Variants in TRIM75 observed in about 807,000 individuals in gnomAD.
The protein encoded by TRIM75 is tripartite motif containing 75.
the TRIM75 span, among the ~76,000 whole-genome samples, chr4:165,057,542 G>A: frequency 5.9e-5 from 9 of 151,920 alleles, no homozygotes; most frequent in African/African-American, 2.2e-4. Context: ...TTTGTTTTTT[G>A]TTTGTGTGCT....
At chr4:165,059,670 A>G in the TRIM75 span, 1 of 780,956 alleles carries the variant, frequency 1.3e-6, no homozygotes, top group Non-Finnish European at 2.4e-6. Context: ...ACTGAGAGAG[A>G]TGGTGGAAAA....
At chr4:165,059,456 CCT>C in the TRIM75 span, 28 of 780,898 alleles carry the variant, frequency 3.6e-5, 1 homozygote, top group South Asian at 3.6e-4. Flanking sequence ...ACAACCAGCC[CCT>C]GAGCGTTTTC....
At chr4:165,054,404 A>G in the TRIM75 span, among the ~76,000 whole-genome samples, 1 of 151,486 alleles carries the variant, frequency 6.6e-6, no homozygotes, top group Non-Finnish European at 1.5e-5. Context: ...AGTAGCTGGG[A>G]CTACAGGCAT....
the TRIM75 span, among the ~76,000 whole-genome samples, chr4:165,056,948 G>T: frequency 6.6e-6 from 1 of 152,186 alleles, no homozygotes; most frequent in Admixed American, 6.5e-5. Flanking sequence ...AATTCTGAAT[G>T]TGATGGCCCC....
chr4:165,059,990 A>G, the TRIM75 span: 71,217 of 778,038 alleles, frequency 0.092, 4,634 homozygotes, highest in African/African-American at 0.26. Flanking sequence ...TTCCTCCCCA[A>G]TATTCTGCTC....
the TRIM75 span, chr4:165,059,138 C>G: frequency 1.3e-6 from 1 of 764,168 alleles, no homozygotes; most frequent in African/African-American, 1.7e-5. Flanking sequence ...AGACCTTCAC[C>G]GACAGCCCAA....
chr4:165,057,591 T>C, the TRIM75 span, among the ~76,000 whole-genome samples: 1 of 152,222 alleles, frequency 6.6e-6, no homozygotes, highest in African/African-American at 2.4e-5. Flanking sequence ...TGGAGTGCAG[T>C]GGTGCGATCT....
At chr4:165,054,353 C>T in the TRIM75 span, among the ~76,000 whole-genome samples, 1 of 151,160 alleles carries the variant, frequency 6.6e-6, no homozygotes, top group Admixed American at 6.6e-5. Context: ...TTGCAACCTC[C>T]GCCTCCCAGG....
chr4:165,055,297 T>G, the TRIM75 span, among the ~76,000 whole-genome samples: 2 of 143,078 alleles, frequency 1.4e-5, no homozygotes, highest in South Asian at 2.3e-4. Flanking sequence ...TTTTTTTTTT[T>G]TTTTGCGATG....
the TRIM75 span, among the ~76,000 whole-genome samples, chr4:165,058,412 A>AT: frequency 1.3e-5 from 2 of 152,118 alleles, no homozygotes; most frequent in African/African-American, 4.8e-5. Context: ...CAGGCTAGAA[A>AT]TAACTTACCA....
the TRIM75 span, chr4:165,059,409 A>G: frequency 1.3e-6 from 1 of 780,892 alleles, no homozygotes; most frequent in Non-Finnish European, 2.4e-6. Context: ...CAAGAGTAAT[A>G]AAAGGAAGCA....
the TRIM75 span, among the ~76,000 whole-genome samples, chr4:165,057,765 C>T: frequency 1.3e-5 from 2 of 152,166 alleles, no homozygotes; most frequent in Admixed American, 6.5e-5. Flanking sequence ...AACTCCTGAA[C>T]TCAACTGATC....
At chr4:165,060,343 C>A in the TRIM75 span, 9 of 780,802 alleles carry the variant, frequency 1.2e-5, no homozygotes, top group African/African-American at 1.2e-4. Context: ...GCACCAGGGG[C>A]TTTTCCAACC....
chr4:165,059,400 A>G, the TRIM75 span: 1 of 780,834 alleles, frequency 1.3e-6, no homozygotes, highest in Non-Finnish European at 2.4e-6. Context: ...CCAGAGCACC[A>G]AGAGTAATAA....
the TRIM75 span, chr4:165,060,241 T>C: frequency 1.3e-6 from 1 of 780,904 alleles, no homozygotes; most frequent in Non-Finnish European, 2.4e-6. Flanking sequence ...GCTATTGGCA[T>C]TTGCAAAGAT....
chr4:165,054,409 A>G, the TRIM75 span, among the ~76,000 whole-genome samples: 6 of 152,000 alleles, frequency 3.9e-5, no homozygotes, highest in Non-Finnish European at 7.4e-5. Context: ...CTGGGACTAC[A>G]GGCATGTGCC....
chr4:165,057,313 C>T, the TRIM75 span, among the ~76,000 whole-genome samples: 1 of 151,948 alleles, frequency 6.6e-6, no homozygotes, highest in South Asian at 2.1e-4. Context: ...AGTTTGAGAT[C>T]AGACTGAGTG....
chr4:165,059,462 C>T, the TRIM75 span: 278 of 780,900 alleles, frequency 3.6e-4, no homozygotes, highest in Non-Finnish European at 5.6e-4. Context: ...AGCCCCTGAG[C>T]GTTTTCTGCA....
the TRIM75 span, chr4:165,059,316 C>T: frequency 2.6e-6 from 2 of 780,386 alleles, no homozygotes; most frequent in South Asian, 1.3e-5. Context: ...CCCTGTCTGT[C>T]GTCACCAGTG....
Sources: allele counts gnomAD v4.1 joint callset (sites outside exome capture counted in the v4.1 genomes callset), GRCh38; gene constraint gnomAD v4.1.1; transcripts MANE v1.5; gene names NCBI Gene and HGNC (gene_info 2026-07-23, HGNC 2026-07-21).